NELL2: variants seen among roughly 807,000 people sequenced by gnomAD.
The protein encoded by NELL2 is protein kinase C-binding protein NELL2.
A neutral mutation model predicts 109.6 loss-of-function variants in NELL2; 41 were observed. The ratio of observed to expected loss-of-function variants is 0.37; its 90% CI spans 0.29 to 0.49. The LOEUF is 0.49. Ranked by LOEUF, NELL2 falls within the 20% of genes least tolerant of loss-of-function variation. NELL2 has a pLI of 0.98. For synonymous variants in NELL2, 355 were observed against 344.7 expected (o/e 1.03, Z -0.33); for missense variants, 900 against 1,008.3 (o/e 0.89, Z 1.45).
At chr12:44,740,980 A>G (rs1322253504) in intron 9 of NELL2, among the ~76,000 whole-genome samples, 2 of 152,186 alleles carry the variant, frequency 1.3e-5, no homozygotes, top group African/African-American at 4.8e-5. Context: ...GGAGCTTACT[A>G]TGTACCAGGC....
chr12:44,588,897 G>A (rs1944642533), intron 15 of NELL2, among the ~76,000 whole-genome samples: 1 of 151,868 alleles, frequency 6.6e-6, no homozygotes, highest in South Asian at 2.1e-4. Flanking sequence ...ACATCTAATC[G>A]ACTTTCTGTC....
intron 2 of NELL2, among the ~76,000 whole-genome samples, chr12:44,818,725 A>T (rs201510822): frequency 0.012 from 856 of 71,676 alleles, 4 homozygotes; most frequent in East Asian, 0.081. Flanking sequence ...TTGTTCACTT[A>T]TTTTTTTTTT....
intron 12 of NELL2, among the ~76,000 whole-genome samples, chr12:44,672,600 T>C (rs1948178359): frequency 6.6e-6 from 1 of 152,174 alleles, no homozygotes; most frequent in African/African-American, 2.4e-5. Context: ...TAAGTATGTG[T>C]GAAATACCTC....
intron 13 of NELL2, among the ~76,000 whole-genome samples, chr12:44,660,128 A>C (rs575658502): frequency 6.6e-6 from 1 of 152,312 alleles, no homozygotes; most frequent in Non-Finnish European, 1.5e-5. Context: ...AAGGACAATA[A>C]AAGGACACTG....
chr12:44,913,253 C>A (rs1391217582), intron 1 of NELL2, among the ~76,000 whole-genome samples: 1 of 152,112 alleles, frequency 6.6e-6, no homozygotes, highest in Middle Eastern at 3.2e-3. Context: ...TTTATTGAAA[C>A]ATCAATCTTT....
intron 11 of NELL2, among the ~76,000 whole-genome samples, chr12:44,705,357 C>T (rs1414780354): frequency 1.3e-5 from 2 of 151,936 alleles, no homozygotes; most frequent in East Asian, 1.9e-4. Flanking sequence ...AAAATAAAAT[C>T]GAACATAGGT....
At chr12:44,793,696 C>A (rs114414948) in intron 3 of NELL2, among the ~76,000 whole-genome samples, 2,196 of 152,196 alleles carry the variant, frequency 0.014, 52 homozygotes, top group African/African-American at 0.05. Flanking sequence ...CCATCAAAAA[C>A]TTGTGAAGAG....
intron 1 of NELL2, among the ~76,000 whole-genome samples, chr12:44,896,431 T>C (rs1411760985): frequency 1.3e-5 from 2 of 152,216 alleles, no homozygotes; most frequent in Non-Finnish European, 2.9e-5. Flanking sequence ...TAACATAATT[T>C]TTAAGATTTA....
At chr12:44,700,901 C>T (rs2136415191) in intron 12 of NELL2, among the ~76,000 whole-genome samples, 1 of 152,124 alleles carries the variant, frequency 6.6e-6, no homozygotes, top group East Asian at 1.9e-4. Flanking sequence ...CAGTAGTTAC[C>T]AGTGTTATGA....
rs577100868 is a variant in NELL2 at position 44,638,599 on chromosome 12, C to T, written c.1444+26885G>A. Among the ~76,000 whole-genome samples, 59 of 152,250 alleles carry T rather than the reference C, an allele frequency of 3.9e-4. 1 individual carries two copies. The highest frequency in any genetic ancestry group is 1.4e-3 in the African/African-American group (57 of 41,570). ...AAAATGAGAAGAGAAATCAGTATAG[C>T]TATGGGATGCTTTGCAGATATCCCA... On this transcript the variant is annotated intron_variant, in intron 13 of 19. Transcript: ENST00000429094.
rs1157006162 is a variant in NELL2 at position 44,798,946 on chromosome 12, C to CTTT, written c.335+17037_335+17039dup. On this transcript the variant is annotated intron_variant, in intron 3 of 19. Coordinates refer to ENST00000429094, the MANE Select transcript of NELL2 (RefSeq NM_001145108.2). ...AAAAGAACTTTGCAAATGATTTCCA[C>CTTT]TTTTTTTTTTTTTTTTTTTTTTTTT... Among the ~76,000 whole-genome samples the CTTT allele has an allele frequency of 5.8e-3, 448 of 77,438 alleles. 54 individuals are homozygous for CTTT. Among genetic ancestry groups the CTTT allele is most frequent in the African/African-American group, 0.014 (241 of 16,808 alleles). The allele number at this position is 77,438 out of a possible 152,430, so 50.8% of individuals were successfully genotyped here. A position where few individuals can be genotyped will look rare whatever the true frequency, so the allele number is the denominator to read the frequency against.
intron 15 of NELL2, 38 bp downstream of exon 15, chr12:44,607,130 TA>T: frequency 6.4e-7 from 1 of 1,566,592 alleles, no homozygotes; most frequent in South Asian, 1.2e-5. Flanking sequence ...TGCATTGGCA[TA>T]AAAATTCATT....
At chr12:44,799,886 T>C (rs1942772340) in intron 3 of NELL2, among the ~76,000 whole-genome samples, 2 of 152,324 alleles carry the variant, frequency 1.3e-5, no homozygotes, top group South Asian at 4.1e-4. Flanking sequence ...TTAAACATTA[T>C]TCTACTTATC....
intron 14 of NELL2, among the ~76,000 whole-genome samples, chr12:44,610,267 C>T (rs972366054): frequency 6.8e-6 from 1 of 146,368 alleles, no homozygotes; most frequent in African/African-American, 2.5e-5. Context: ...AAAAAAAAAA[C>T]TGTCCTACTG....
intron 9 of NELL2, among the ~76,000 whole-genome samples, chr12:44,755,534 CT>C (rs145500578): frequency 0.019 from 2,912 of 151,896 alleles, 74 homozygotes; most frequent in African/African-American, 0.056. Flanking sequence ...TACTCCTTGG[CT>C]CTCCCCTCAC....
chr12:44,684,928 C>T (rs1293984832), intron 12 of NELL2, among the ~76,000 whole-genome samples: 3 of 152,020 alleles, frequency 2.0e-5, no homozygotes, highest in East Asian at 1.9e-4. Context: ...TAGATGTCTA[C>T]CAGGTCTGCT....
chr12:44,611,200 AC>A (rs1164367918), intron 13 of NELL2, among the ~76,000 whole-genome samples: 3 of 152,100 alleles, frequency 2.0e-5, no homozygotes, highest in Non-Finnish European at 2.9e-5. Context: ...CAAAAGGCCT[AC>A]CAACGGTTGC....
chr12:44,632,636 A>C (rs1255506513), intron 13 of NELL2, among the ~76,000 whole-genome samples: 2 of 152,112 alleles, frequency 1.3e-5, no homozygotes, highest in Non-Finnish European at 2.9e-5. Context: ...CGGAAGCCAA[A>C]AAAAATCAGA....
intron 2 of NELL2, 79 bp downstream of exon 2, chr12:44,875,146 T>C: frequency 1.3e-6 from 2 of 1,535,898 alleles, no homozygotes; most frequent in Non-Finnish European, 1.8e-6. Flanking sequence ...AATACAAAGT[T>C]AGGACAAGCG....
Sources: gnomAD v4.1 joint callset for allele counts (sites outside exome capture counted in the v4.1 genomes callset) on GRCh38, gnomAD v4.1.1 for gene constraint, MANE v1.5 for transcripts, NCBI Gene and HGNC (gene_info 2026-07-23, HGNC 2026-07-21) for gene names.